CCDC18: variants seen among roughly 807,000 people sequenced by gnomAD.
CCDC18 encodes the protein coiled-coil domain containing 18.
A neutral mutation model predicts 196.0 loss-of-function variants in CCDC18; 157 were observed. The ratio of observed to expected loss-of-function variants is 0.80; its 90% confidence interval spans 0.70 to 0.91. The LOEUF (loss-of-function observed/expected upper bound fraction) is 0.91. Among genes scored for constraint, CCDC18 ranks in the 40% least tolerant of loss-of-function variants. CCDC18 has a pLI of 0.00. For missense variants in CCDC18, 1,465 were observed against 1,611.6 expected (o/e 0.91, Z 1.56); for synonymous variants, 482 against 529.2 (o/e 0.91, Z 1.22).
chr1:93,245,321 T>C (rs1661355435), intron 21 of CCDC18, among the ~76,000 whole-genome samples: 1 of 152,200 alleles, frequency 6.6e-6, no homozygotes, highest in African/African-American at 2.4e-5. Context: ...TAGCCTTGTG[T>C]TATATACCTC....
chr1:93,227,971 A>ATATATATATAT (rs1553175508), intron 17 of CCDC18, among the ~76,000 whole-genome samples: 1 of 125,356 alleles, frequency 8.0e-6, no homozygotes, highest in South Asian at 2.4e-4. Flanking sequence ...AAAAAAAAAA[A>ATATATATATAT]ATATATATAT....
intron 21 of CCDC18, among the ~76,000 whole-genome samples, 199 bp from the exon 22 acceptor site, chr1:93,245,906 T>C (rs1337629463): frequency 6.6e-6 from 1 of 152,168 alleles, no homozygotes; most frequent in Non-Finnish European, 1.5e-5. Context: ...CCTTTTAGAA[T>C]ACCCTTTATT....
Position 93,212,256 on chromosome 1 carries a change from A to C in CCDC18, c.1490A>C (p.Gln497Pro), listed in dbSNP as rs1655766495. 6.4e-7 allele frequency: 1 copy of C among 1,564,394 alleles called. No homozygotes were observed. The highest frequency in any genetic ancestry group is 1.4e-5 in the African/African-American group (1 of 72,876). The change falls in exon 11 of 29, where the codon CAA (glutamine) becomes CCA (proline). Residue 497 changes from glutamine (Q) to proline (P), a missense_variant. By Grantham distance (76) the Gln-to-Pro change is moderately conservative. Transcript: ENST00000690025. ...GAACCTGTAAAGCTAGGTGGTCATCAAGTAGGTAAGTATATTGAGTTATTT... is the reference window on the plus strand; with the variant it reads ...GAACCTGTAAAGCTAGGTGGTCATCCAGTAGGTAAGTATATTGAGTTATTT... ...ETEPVKLGGH[Q>P]VAESVKDQNQ...
chr1:93,274,974 A>G (rs1371931964), intron 28 of CCDC18, among the ~76,000 whole-genome samples: 6 of 152,330 alleles, frequency 3.9e-5, no homozygotes, highest in African/African-American at 1.2e-4. Context: ...GTCAATACTC[A>G]TAACTTTAAG....
chr1:93,190,197 A>G (rs1651497687), intron 4 of CCDC18, among the ~76,000 whole-genome samples: 1 of 151,962 alleles, frequency 6.6e-6, no homozygotes, highest in South Asian at 2.1e-4. Context: ...CTTTTATGTT[A>G]GAAGCTTTTG....
chr1:93,242,147 T>C (rs1479759004), intron 21 of CCDC18, among the ~76,000 whole-genome samples: 1 of 152,224 alleles, frequency 6.6e-6, no homozygotes, highest in Non-Finnish European at 1.5e-5. Flanking sequence ...CAAATGTTCA[T>C]CATCAGATGA....
At position 93,270,570 on chromosome 1, in the gene CCDC18, T is replaced by A. The variant is rs1008066199; in HGVS notation, c.4109T>A (p.Leu1370His). Residue 1370 changes from leucine (L) to histidine (H), a missense_variant, in exon 28 of 29, where the codon CTT (leucine) becomes CAT (histidine). Transcript: ENST00000690025. ...LTFKIHGDED[L>H]SEELLQDLKK... ...TTCAAAATTCATGGTGATGAAGATC[T>A]TTCTGAAGAATTACTACAGGACTTA... The A allele has an allele frequency of 1.3e-6, 2 of 1,550,324 alleles. No individual in the cohort carries two copies. Among genetic ancestry groups the A allele is most frequent in the South Asian group, 2.4e-5 (2 of 84,066 alleles).
chr1:93,260,784 A>C (rs1259273188), intron 26 of CCDC18, among the ~76,000 whole-genome samples: 4 of 151,886 alleles, frequency 2.6e-5, no homozygotes, highest in Admixed American at 2.0e-4. Context: ...CCACCACCCA[A>C]CAGGCCCCGA....
intron 25 of CCDC18, among the ~76,000 whole-genome samples, chr1:93,257,215 G>C (rs1224867549): frequency 1.9e-5 from 2 of 106,220 alleles, no homozygotes; most frequent in African/African-American, 7.3e-5. Context: ...CTGGGCGACA[G>C]AGCAAGACTC....
At chr1:93,207,830 G>A (rs1654954513) in intron 9 of CCDC18, among the ~76,000 whole-genome samples, 1 of 152,106 alleles carries the variant, frequency 6.6e-6, no homozygotes. Flanking sequence ...GACACTAATA[G>A]TTTTTGCATC....
chr1:93,250,470 T>C (rs1229049509), intron 23 of CCDC18, among the ~76,000 whole-genome samples: 3 of 151,890 alleles, frequency 2.0e-5, no homozygotes, highest in Admixed American at 6.6e-5. Flanking sequence ...AGTCACAAAA[T>C]GCCTCCTTGG....
chr1:93,180,663 A>G (rs764573275), upstream of CCDC18: 3 of 1,330,196 alleles, frequency 2.3e-6, no homozygotes, highest in Non-Finnish European at 3.0e-6. Context: ...GCGGCGCCTC[A>G]CGCAGTCTGC....
At chr1:93,180,592 C>G (rs1477477960), upstream of CCDC18, 2 of 1,382,336 alleles carry the variant, frequency 1.4e-6, no homozygotes. Context: ...CCCGGGCGGG[C>G]TCCGCTAGTG....
chr1:93,213,997 CT>C (rs1656088801), intron 11 of CCDC18, among the ~76,000 whole-genome samples: 1 of 152,126 alleles, frequency 6.6e-6, no homozygotes, highest in Non-Finnish European at 1.5e-5. Flanking sequence ...CTACATTATG[CT>C]TTTTAAAAGC....
At chr1:93,244,801 G>C (rs1661278970) in intron 21 of CCDC18, among the ~76,000 whole-genome samples, 1 of 152,082 alleles carries the variant, frequency 6.6e-6, no homozygotes, top group Admixed American at 6.5e-5. Context: ...TCCTGTCCTT[G>C]TTCCTGACAT....
Position 93,207,303 on chromosome 1 carries a change from G to A in CCDC18, c.1114G>A (p.Ala372Thr). 6.2e-7 allele frequency: 1 copy of A among 1,613,500 alleles called. No individual in the cohort carries two copies. ...AAACCGAGAATTAAAGGTCCGTGTT[G>A]CAGCACAGAATGAGCGACTAGATTT... ...NENRELKVRV[A>T]AQNERLDLCQ... Residue 372 changes from alanine to threonine, a missense_variant, in exon 9 of 29, where the codon GCA (alanine) becomes ACA (threonine). Transcript: ENST00000690025.
At chr1:93,244,518 A>G (rs1026789513) in intron 21 of CCDC18, among the ~76,000 whole-genome samples, 8 of 152,340 alleles carry the variant, frequency 5.3e-5, no homozygotes, top group African/African-American at 1.9e-4. Flanking sequence ...TGGCAAATTC[A>G]TAGAGAAAGA....
chr1:93,252,107 A>G (rs934705823), intron 23 of CCDC18, among the ~76,000 whole-genome samples: 3 of 152,174 alleles, frequency 2.0e-5, no homozygotes, highest in Non-Finnish European at 4.4e-5. Context: ...GCACAATCAT[A>G]GCTCAATGTA....
chr1:93,274,309 G>T (rs1225194079), intron 28 of CCDC18, among the ~76,000 whole-genome samples: 1 of 152,014 alleles, frequency 6.6e-6, no homozygotes, highest in South Asian at 2.1e-4. Flanking sequence ...AGGCTGAGGT[G>T]GAGAATTGCT....
Sources: allele counts gnomAD v4.1 joint callset (sites outside exome capture counted in the v4.1 genomes callset), GRCh38; gene constraint gnomAD v4.1.1; transcripts MANE v1.5; gene names NCBI Gene and HGNC (gene_info 2026-07-23, HGNC 2026-07-21).